KCNA6: variants seen among roughly 807,000 people sequenced by gnomAD.
The protein encoded by KCNA6 is potassium voltage-gated channel subfamily A member 6.
KCNA6 carries 17 observed loss-of-function variants against 29.5 expected under a neutral mutation model. The observed-to-expected ratio is 0.58, with a 90% confidence interval of 0.39 to 0.86. The LOEUF (loss-of-function observed/expected upper bound fraction) is 0.86, where lower values mean the gene tolerates loss of function less well. Ranked by LOEUF, KCNA6 falls within the 40% of genes least tolerant of loss-of-function variation. KCNA6 has a pLI of 0.00. For missense variants in KCNA6, 450 were observed against 703.4 expected (o/e 0.64, Z 4.07); for synonymous variants, 296 against 304.7 (o/e 0.97, Z 0.30).
rs546562193 is a variant in KCNA6 at position 4,811,448 on chromosome 12, G to A, written c.1407G>A (p.Thr469=). 4 of 1,614,168 alleles carry A rather than the reference G, an allele frequency of 2.5e-6. No homozygotes were observed. The highest frequency in any genetic ancestry group is 2.7e-5 in the African/African-American group (2 of 75,032). ...TCAACTACTTCTACCACCGGGAGACGGAGCAGGAGGAGCAAGGCCAGTATA... is the reference window on the plus strand; with the variant it reads ...TCAACTACTTCTACCACCGGGAGACAGAGCAGGAGGAGCAAGGCCAGTATA... Residue 469 remains threonine (T), a synonymous_variant, in exon 1 of 1, where the codon ACG becomes ACA. Coordinates refer to ENST00000280684, the Ensembl canonical transcript of KCNA6. The surrounding 1 kb of genome is among the most constrained non-coding windows in gnomAD (Gnocchi z 7.1).
the KCNA6 span, among the ~76,000 whole-genome samples, chr12:4,839,568 G>A: frequency 1.2e-4 from 18 of 152,122 alleles, no homozygotes; most frequent in African/African-American, 2.9e-4. Context: ...ATTTTCAACC[G>A]CTCAGGGGTC....
chr12:4,811,586 A>G lies in KCNA6; in HGVS notation c.1545A>G (p.Thr515=). Reference sequence around the variant, plus strand: ...AACGGAGACCCAGCTACCTTCCTACACCACATCGGGCCTATGCAGAGAAAA... The same window carrying G: ...AACGGAGACCCAGCTACCTTCCTACGCCACATCGGGCCTATGCAGAGAAAA... The change falls in exon 1 of 1, where the codon ACA becomes ACG. Residue 515 remains threonine, a synonymous_variant. Transcript: ENST00000280684. This position sits in a 1 kb window ranked among gnomAD's most constrained non-coding sequence, Gnocchi z 7.1. The G allele has an allele frequency of 1.2e-6, 2 of 1,614,056 alleles. No homozygotes were observed. The highest frequency in any genetic ancestry group is 1.7e-6 in the Non-Finnish European group (2 of 1,179,978).
At position 4,811,579 on chromosome 12, in the gene KCNA6, T is replaced by A. The variant is rs745418573; in HGVS notation, c.1538T>A (p.Leu513His). ...AACCGGGAACGGAGACCCAGCTACC[T>A]TCCTACACCACATCGGGCCTATGCA... Residue 513 changes from leucine (L) to histidine (H), a missense_variant, in exon 1 of 1, where the codon CTT becomes CAT. Around this residue, in one of 7 missense-constraint regions of KCNA6, gnomAD observed 56 missense variants for 65.2 expected, o/e 0.86. Coordinates refer to ENST00000280684, the Ensembl canonical transcript of KCNA6. The surrounding 1 kb of genome is among the most constrained non-coding windows in gnomAD (Gnocchi z 7.1). 1.2e-6 allele frequency: 2 copies of A among 1,614,086 alleles called. No individual in the cohort carries two copies. Among genetic ancestry groups the A allele is most frequent in the African/African-American group, 2.7e-5 (2 of 74,930 alleles).
chr12:4,827,274 T>TCCTCCTTC, the KCNA6 span, among the ~76,000 whole-genome samples: 1 of 146,998 alleles, frequency 6.8e-6, no homozygotes, highest in South Asian at 2.3e-4. Flanking sequence ...CGCCCTTCCC[T>TCCTCCTTC]CCTCCTTCCC....
At chr12:4,837,627 C>A in the KCNA6 span, among the ~76,000 whole-genome samples, 1 of 152,082 alleles carries the variant, frequency 6.6e-6, no homozygotes, top group African/African-American at 2.4e-5. Flanking sequence ...TCACAGAAAT[C>A]TGTGCTGATT....
chr12:4,809,924 A>G, exon 1 of KCNA6: 2 of 1,230,048 alleles, frequency 1.6e-6, no homozygotes, highest in Non-Finnish European at 2.2e-6. Context: ...GCGAACCGGG[A>G]GGAGCGCGGG....
At chr12:4,842,021 G>A in the KCNA6 span, among the ~76,000 whole-genome samples, 9 of 99,744 alleles carry the variant, frequency 9.0e-5, no homozygotes, top group African/African-American at 2.9e-4. Context: ...ACGTGTGTGT[G>A]TGTGTGTGTG....
chr12:4,810,530 C>T lies in KCNA6; in HGVS notation c.489C>T (p.Leu163=). 1 of 1,614,174 alleles carries T rather than the reference C, an allele frequency of 6.2e-7. No individual in the cohort carries two copies. Among genetic ancestry groups the T allele is most frequent in the East Asian group, 2.2e-5 (1 of 44,848 alleles). ...CCTTCCAGCGCCAGGTGTGGCTGCT[C>T]TTTGAGTACCCAGAGAGCTCTGGGC... The change falls in exon 1 of 1, where the codon CTC becomes CTT. Residue 163 remains leucine (L), a synonymous_variant. Transcript: ENST00000280684. This position sits in a 1 kb window ranked among gnomAD's most constrained non-coding sequence, Gnocchi z 7.5.
the KCNA6 span, among the ~76,000 whole-genome samples, chr12:4,820,910 A>G: frequency 1.3e-5 from 2 of 152,110 alleles, no homozygotes; most frequent in African/African-American, 4.8e-5. Flanking sequence ...TTTTCTGTTA[A>G]ATTTAGTGAC....
the KCNA6 span, among the ~76,000 whole-genome samples, chr12:4,818,863 CAT>C: frequency 0.016 from 1,409 of 90,354 alleles, 13 homozygotes; most frequent in African/African-American, 0.036. Flanking sequence ...CACACACACA[CAT>C]ATGCATATAC....
At chr12:4,809,956 G>A (rs909665353) in exon 1 of KCNA6, 5 of 1,445,574 alleles carry the variant, frequency 3.5e-6, no homozygotes, top group African/African-American at 2.8e-5. Context: ...AGAGGGCGCA[G>A]CCGGGAGCTG....
exon 1 of KCNA6, chr12:4,813,038 G>C (rs1438851800): frequency 1.2e-5 from 2 of 167,054 alleles, no homozygotes; most frequent in African/African-American, 4.8e-5. Context: ...GTACTGTTCT[G>C]AGATCTTTTG....
Position 4,810,677 on chromosome 12 carries a change from T to G in KCNA6, c.636T>G (p.Ser212Arg). Residue 212 changes from serine (S) to arginine (R), a missense_variant, in exon 1 of 1, where the codon AGT becomes AGG. Transcript: ENST00000280684. This position sits in a 1 kb window ranked among gnomAD's most constrained non-coding sequence, Gnocchi z 7.5. The stretch of plus-strand genomic sequence containing the variant: ...GAGGTGGAAACAATGGTGGTGTGAG[T>G]CGAGTCTCCCCAGTTTCCAGGGGGA... 1 of 1,613,844 alleles carries G rather than the reference T, an allele frequency of 6.2e-7. No homozygotes were observed. Among genetic ancestry groups the G allele is most frequent in the Non-Finnish European group, 8.5e-7 (1 of 1,179,936 alleles).
the KCNA6 span, among the ~76,000 whole-genome samples, chr12:4,825,860 C>A: frequency 1.3e-5 from 2 of 152,034 alleles, no homozygotes; most frequent in Non-Finnish European, 2.9e-5. Flanking sequence ...ATGGCTTTTG[C>A]CTTACACTGT....
At chr12:4,813,231 C>T (rs1946649735) in exon 1 of KCNA6, 1 of 166,932 alleles carries the variant, frequency 6.0e-6, no homozygotes, top group Non-Finnish European at 1.5e-5. Flanking sequence ...AGCTCTAAAT[C>T]TCGATCTTGC....
the KCNA6 span, chr12:4,839,055 G>T: frequency 1.3e-5 from 2 of 152,162 alleles, no homozygotes; most frequent in African/African-American, 4.8e-5. Context: ...AGGAGTTCAG[G>T]CATAATATGC....
chr12:4,829,251 G>C, the KCNA6 span, among the ~76,000 whole-genome samples: 1 of 152,114 alleles, frequency 6.6e-6, no homozygotes, highest in Non-Finnish European at 1.5e-5. Context: ...GATGGGATTT[G>C]GCTGTCTACT....
chr12:4,838,542 C>A, the KCNA6 span, among the ~76,000 whole-genome samples: 1 of 152,194 alleles, frequency 6.6e-6, no homozygotes, highest in African/African-American at 2.4e-5. Context: ...TTTACTCAGT[C>A]GCCTCTGAAA....
At chr12:4,815,610 C>T (rs748547737), downstream of KCNA6, among the ~76,000 whole-genome samples, 3 of 152,146 alleles carry the variant, frequency 2.0e-5, no homozygotes, top group Non-Finnish European at 4.4e-5. Context: ...AGGAGGCAGG[C>T]ATAAGGTTGG....
Sources: gnomAD v4.1 joint callset for allele counts (sites outside exome capture counted in the v4.1 genomes callset) on GRCh38, gnomAD v4.1.1 for gene constraint, gnomAD v4.1.1 regional missense constraint, Gnocchi (gnomAD v3.1) non-coding constraint, MANE v1.5 for transcripts, NCBI Gene and HGNC (gene_info 2026-07-23, HGNC 2026-07-21) for gene names.